USP25: variants seen among roughly 807,000 people sequenced by gnomAD.
The protein encoded by USP25 is ubiquitin carboxyl-terminal hydrolase 25.
A neutral mutation model predicts 158.5 loss-of-function variants in USP25; 85 were observed. That is an observed-to-expected ratio of 0.54 (90% CI 0.45 to 0.64). USP25 has a LOEUF of 0.64. USP25 is among the 30% of genes least tolerant of loss of function. USP25 has a pLI of 0.00. For synonymous variants in USP25, 464 were observed against 460.4 expected, an observed-to-expected ratio of 1.01 and a Z score of -0.10; for missense variants, 1,242 against 1,327.3, an observed-to-expected ratio of 0.94 and a Z score of 1.00.
Position 15,824,139 on chromosome 21 carries a change from A to T in USP25, c.1181A>T (p.Glu394Val). 1 of 1,613,256 alleles carries T rather than the reference A, an allele frequency of 6.2e-7. No individual in the cohort carries two copies. The highest frequency in any genetic ancestry group is 8.5e-7 in the Non-Finnish European group (1 of 1,179,804). ...CCAGAAAAAATTCACAACAAATTAG[A>T]ATTTCCCCAAGTTTTATATTTGGAC... Reference protein sequence around the residue: ...GRPEKIHNKLEFPQVLYLDRY... With the variant: ...GRPEKIHNKLVFPQVLYLDRY... Residue 394 changes from glutamate to valine, a missense_variant, in exon 11 of 26, where the codon GAA (glutamate) becomes GTA (valine). Physicochemically the swap from Glu to Val is moderately radical, Grantham distance 121 (BLOSUM62 -2). Coordinates refer to ENST00000400183, the MANE Select transcript of USP25 (RefSeq NM_001283041.3).
intron 11 of USP25, 145 bp downstream of exon 11, chr21:15,824,311 A>C: frequency 2.2e-6 from 2 of 913,414 alleles, no homozygotes; most frequent in Non-Finnish European, 3.1e-6. Flanking sequence ...AAGGTAGATG[A>C]AATTTACTTT....
intron 24 of USP25, 119 bp downstream of exon 24, chr21:15,874,645 C>A: frequency 9.8e-7 from 1 of 1,023,104 alleles, no homozygotes; most frequent in Non-Finnish European, 1.4e-6. Flanking sequence ...ATGATGATGT[C>A]TATAAACTGG....
intron 24 of USP25, 182 bp from the exon 25 acceptor site, chr21:15,877,614 A>G (rs556291514): frequency 4.1e-6 from 2 of 489,996 alleles, no homozygotes; most frequent in East Asian, 7.2e-5. Flanking sequence ...TGCCATATGC[A>G]TAGCTTTTTC....
chr21:15,816,705 T>C lies in USP25; in HGVS notation c.932-1993T>C, dbSNP rs1375559837. Reference sequence around the variant, plus strand: ...TATCTTTATTCCAGAATGTTAATCTTAGTTACAGATTCATATTCAACTGTC... The same window carrying C: ...TATCTTTATTCCAGAATGTTAATCTCAGTTACAGATTCATATTCAACTGTC... On this transcript the variant is annotated intron_variant, in intron 9 of 25. Coordinates refer to ENST00000400183, the MANE Select transcript of USP25 (RefSeq NM_001283041.3). The surrounding 1 kb of genome is among the most constrained non-coding windows in gnomAD (Gnocchi z 4.0). Among the ~76,000 whole-genome samples the C allele has an allele frequency of 6.6e-6, 1 of 152,162 alleles. No individual in the cohort carries two copies. The highest frequency in any genetic ancestry group is 2.4e-5 in the African/African-American group (1 of 41,436).
chr21:15,869,588 A>C (rs140114315), intron 22 of USP25, among the ~76,000 whole-genome samples: 108 of 152,270 alleles, frequency 7.1e-4, no homozygotes, highest in Admixed American at 1.6e-3. Context: ...CTTAAAGTCA[A>C]ATTTACCACA....
At chr21:15,756,932 T>C (rs889110056) in intron 1 of USP25, among the ~76,000 whole-genome samples, 2 of 152,138 alleles carry the variant, frequency 1.3e-5, no homozygotes, top group Non-Finnish European at 2.9e-5. Context: ...GCTCTAGATA[T>C]GGAAGTGGAT....
Position 15,766,096 on chromosome 21 carries a change from C to T in USP25, c.223C>T (p.Pro75Ser). 1 of 1,610,200 alleles carries T rather than the reference C, an allele frequency of 6.2e-7. No homozygotes were observed. Among genetic ancestry groups the T allele is most frequent in the Non-Finnish European group, 8.5e-7 (1 of 1,178,210 alleles). Residue 75 changes from proline to serine, a missense_variant, in exon 3 of 26, where the codon CCT (proline) becomes TCT (serine). Around this residue, in one of 3 missense-constraint regions of USP25, gnomAD observed 627 missense variants for 701.4 expected, o/e 0.89. Transcript: ENST00000400183. This position sits in a 1 kb window ranked among gnomAD's most constrained non-coding sequence, Gnocchi z 4.0. ...GACAACTTACTACCAAACAGCACTT[C>T]CTGGCAATGATAGATACATCAGTGT... ...EETTYYQTAL[P>S]GNDRYISVGS...
chr21:15,859,930 T>C (rs1218168067), intron 20 of USP25, among the ~76,000 whole-genome samples: 1 of 148,572 alleles, frequency 6.7e-6, no homozygotes, highest in African/African-American at 2.4e-5. Context: ...TTTTCTAAAT[T>C]CTTGAAATCT....
intron 20 of USP25, among the ~76,000 whole-genome samples, chr21:15,863,690 T>G (rs1345879426): frequency 3.3e-5 from 5 of 152,232 alleles, no homozygotes. Flanking sequence ...AGACATATTT[T>G]ACCGCTTTCA....
chr21:15,750,181 C>CGTGTGT lies in USP25; in HGVS notation c.46-12685_46-12680dup, dbSNP rs367779613. On this transcript the variant is annotated intron_variant, in intron 1 of 25. Coordinates refer to ENST00000400183, the MANE Select transcript of USP25 (RefSeq NM_001283041.3). ...TATACTTTAATGAAATCTCCAGTGC[C>CGTGTGT]GTGTGTGTGTGTGTGTGTGTGTGTG... Among the ~76,000 whole-genome samples, 323 of 126,894 alleles carry CGTGTGT rather than the reference C, an allele frequency of 2.5e-3. 7 individuals are homozygous for CGTGTGT. The highest frequency in any genetic ancestry group is 9.6e-3 in the African/African-American group (280 of 29,020). 83.2% of individuals were successfully genotyped at this position (126,894 alleles called of 152,430 possible). A position where few individuals can be genotyped will look rare whatever the true frequency, so the allele number is the denominator to read the frequency against.
chr21:15,758,282 A>T (rs1433946122), intron 1 of USP25, among the ~76,000 whole-genome samples: 2 of 152,158 alleles, frequency 1.3e-5, no homozygotes, highest in African/African-American at 4.8e-5. Context: ...CCTGAGACTG[A>T]GTGATATGGT....
intron 1 of USP25, chr21:15,744,379 T>A (rs909642727): frequency 5.2e-5 from 8 of 152,538 alleles, no homozygotes; most frequent in African/African-American, 1.9e-4. Flanking sequence ...CAGGCTGGAG[T>A]GCAGTGGTGC....
At chr21:15,774,502 A>C (rs2034530218) in intron 3 of USP25, among the ~76,000 whole-genome samples, 1 of 151,838 alleles carries the variant, frequency 6.6e-6, no homozygotes, top group Non-Finnish European at 1.5e-5. Context: ...TTTTTTTTCC[A>C]GACAACATCT....
chr21:15,736,209 T>C (rs2123172640), intron 1 of USP25, among the ~76,000 whole-genome samples: 1 of 152,168 alleles, frequency 6.6e-6, no homozygotes, highest in Non-Finnish European at 1.5e-5. Flanking sequence ...GCAATTCTCC[T>C]GCCTCAGCCT....
chr21:15,731,456 T>C (rs1799980006), intron 1 of USP25, among the ~76,000 whole-genome samples: 1 of 152,212 alleles, frequency 6.6e-6, no homozygotes, highest in African/African-American at 2.4e-5. Flanking sequence ...TGTTGTAGAT[T>C]TGGTGTAGAT....
At position 15,879,917 on chromosome 21, in the gene USP25, A is replaced by G. The variant is rs1001672053; in HGVS notation, c.*1442A>G. On this transcript the variant is annotated 3_prime_UTR_variant, in exon 26 of 26. Transcript: ENST00000400183. ...TAGATTTTGCATATTGTATCTATCA[A>G]AATATGTTTGGGTTTAGATTTTAAG... The G allele has an allele frequency of 3.3e-5, 5 of 152,364 alleles. No individual in the cohort carries two copies. Among genetic ancestry groups the G allele is most frequent in the African/African-American group, 9.6e-5 (4 of 41,588 alleles). 9.4% of individuals were successfully genotyped at this position (152,364 alleles called of 1,614,324 possible). A position where few individuals can be genotyped will look rare whatever the true frequency, so the allele number is the denominator to read the frequency against.
At chr21:15,779,816 A>C (rs530058185) in intron 4 of USP25, among the ~76,000 whole-genome samples, 1 of 152,082 alleles carries the variant, frequency 6.6e-6, no homozygotes, top group African/African-American at 2.4e-5. Flanking sequence ...GAGATTCGGC[A>C]TAATGTAACA....
intron 19 of USP25, among the ~76,000 whole-genome samples, chr21:15,849,062 G>C (rs965964827): frequency 6.6e-6 from 1 of 152,006 alleles, no homozygotes; most frequent in Non-Finnish European, 1.5e-5. Flanking sequence ...TAAACATGCT[G>C]GCTCTTGAAA....
rs763310070 is a variant in USP25 at position 15,874,394 on chromosome 21, A to G, written c.2886-9A>G. 1 of 1,590,754 alleles carries G rather than the reference A, an allele frequency of 6.3e-7. No individual in the cohort carries two copies. The highest frequency in any genetic ancestry group is 8.5e-7 in the Non-Finnish European group (1 of 1,170,110). On this transcript the variant is annotated splice_polypyrimidine_tract_variant and intron_variant, in intron 23 of 25. Coordinates refer to ENST00000400183, the MANE Select transcript of USP25 (RefSeq NM_001283041.3). ...TACTAATGTTATATGTTTCTTTTTA[A>G]TTTTCAAGTTATATAGATTCCTTGC...
Sources: gnomAD v4.1 joint callset for allele counts (sites outside exome capture counted in the v4.1 genomes callset) on GRCh38, gnomAD v4.1.1 for gene constraint, gnomAD v4.1.1 regional missense constraint, Gnocchi (gnomAD v3.1) non-coding constraint, MANE v1.5 for transcripts, NCBI Gene and HGNC (gene_info 2026-07-23, HGNC 2026-07-21) for gene names.